RP1L1: variants seen among roughly 807,000 people sequenced by gnomAD.
RP1L1 encodes the protein retinitis pigmentosa 1-like 1 protein.
A neutral mutation model predicts 15.7 loss-of-function variants in RP1L1; 27 were observed. The observed-to-expected ratio is 1.72, with a 90% CI of 1.27 to 2.38. RP1L1 has a LOEUF of 2.38. Ranked by LOEUF, RP1L1 falls within the 30% of genes most tolerant of loss-of-function variation. RP1L1 has a pLI of 0.00. For missense variants in RP1L1, 4,798 were observed against 3,075.9 expected (o/e 1.56, Z -13.24); for synonymous variants, 1,813 against 1,276.7 (o/e 1.42, Z -8.96).
intron 1 of RP1L1, among the ~76,000 whole-genome samples, chr8:10,648,946 G>C (rs964609959): frequency 6.6e-6 from 1 of 152,222 alleles, no homozygotes; most frequent in Non-Finnish European, 1.5e-5. Context: ...ACGCTTCAGG[G>C]CCAGGGACAT....
intron 2 of RP1L1, among the ~76,000 whole-genome samples, chr8:10,617,351 G>C (rs890903114): frequency 2.9e-5 from 4 of 136,980 alleles, no homozygotes; most frequent in African/African-American, 8.3e-5. Context: ...TTAAAGCACA[G>C]AGCATGTTTT....
Position 10,607,827 on chromosome 8 carries a change from C to T in RP1L1, c.6271G>A (p.Glu2091Lys), listed in dbSNP as rs1182974647. Residue 2091 changes from glutamate to lysine, a missense_variant, in exon 4 of 4, where the codon GAA becomes AAA. Coordinates refer to ENST00000382483, the MANE Select transcript of RP1L1 (RefSeq NM_178857.6). The stretch of plus-strand genomic sequence containing the variant: ...TCTGATTCTGGCTGGGCCTCCCCTT[C>T]TGCCTCCTGGGCATCTACATCTTCT... ...ESEDVDAQEAEGEAQPESEGV... is the reference protein window; with the variant it reads ...ESEDVDAQEAKGEAQPESEGV... 9.4e-6 allele frequency: 15 copies of T among 1,593,092 alleles called. No individual in the cohort carries two copies. The East Asian group carries it at 2.3e-4, about 25-fold the overall frequency.
chr8:10,610,308 C>T lies in RP1L1; in HGVS notation c.3790G>A (p.Ala1264Thr), dbSNP rs780069784. Residue 1264 changes from alanine (A) to threonine (T), a missense_variant, in exon 4 of 4, where the codon GCC becomes ACC. Physicochemically the swap from Ala to Thr is moderately conservative, Grantham distance 58. Transcript: ENST00000382483. ...QQCCFPTFLN[A>T]RACACATNED... is the part of the protein sequence containing the mutation. ...TTGGTGGCACAAGCGCAGGCTCGGGCGTTCAAGAAGGTTGGGAAACAACAC... is the reference window on the plus strand; with the variant it reads ...TTGGTGGCACAAGCGCAGGCTCGGGTGTTCAAGAAGGTTGGGAAACAACAC... 12 of 1,614,082 alleles carry T rather than the reference C, an allele frequency of 7.4e-6. No individual in the cohort carries two copies. The highest frequency in any genetic ancestry group is 4.4e-5 in the South Asian group (4 of 91,080).
chr8:10,611,146 C>A lies in RP1L1; in HGVS notation c.2952G>T (p.Gly984=), dbSNP rs778397939. 6.2e-7 allele frequency: 1 copy of A among 1,612,946 alleles called. No homozygotes were observed. Among genetic ancestry groups the A allele is most frequent in the Non-Finnish European group, 8.5e-7 (1 of 1,180,022 alleles). Residue 984 remains glycine, a synonymous_variant, in exon 4 of 4, where the codon GGG becomes GGT. Transcript: ENST00000382483. ...ELADETTGAA[G]GGLRGPEVDP... is the part of the protein sequence containing the mutation. ...CCACCTCGGGGCCTCTCAGGCCACC[C>A]CCAGCTGCACCTGTGGTCTCGTCCG...
chr8:10,615,624 G>T (rs1231363919), intron 3 of RP1L1, among the ~76,000 whole-genome samples: 1 of 152,136 alleles, frequency 6.6e-6, no homozygotes. Context: ...AAACTCCTGG[G>T]CTCAAATCAT....
Position 10,622,204 on chromosome 8 carries a change from C to G in RP1L1, c.609+389G>C, listed in dbSNP as rs138760074. On this transcript the variant is annotated intron_variant, in intron 2 of 3. Transcript: ENST00000382483. The stretch of plus-strand genomic sequence containing the variant: ...GGCATGGTAGCACATGCCTGTAATC[C>G]CAGCTACTCAGAGGCTGAGACAGGA... Among the ~76,000 whole-genome samples the G allele has an allele frequency of 5.3e-5, 8 of 152,026 alleles. No homozygotes were observed. The East Asian group carries it at 1.4e-3, about 26-fold the overall frequency.
At chr8:10,629,469 G>A (rs1000044667) in intron 1 of RP1L1, among the ~76,000 whole-genome samples, 9 of 152,186 alleles carry the variant, frequency 5.9e-5, no homozygotes, top group Non-Finnish European at 1.3e-4. Context: ...GGTCCTGGTG[G>A]AACTGGGAAT....
At chr8:10,616,395 G>A (rs922303898) in intron 3 of RP1L1, 51 bp downstream of exon 3, 9 of 1,612,304 alleles carry the variant, frequency 5.6e-6, no homozygotes, top group African/African-American at 5.3e-5. Context: ...CAGCCCTACT[G>A]AACCACCATG....
intron 1 of RP1L1, among the ~76,000 whole-genome samples, chr8:10,639,648 A>G (rs1470780212): frequency 6.6e-6 from 1 of 152,188 alleles, no homozygotes; most frequent in Admixed American, 6.5e-5. Flanking sequence ...CACTGGGATT[A>G]CAAGTGTGAG....
chr8:10,633,610 G>C (rs1030461840), intron 1 of RP1L1, among the ~76,000 whole-genome samples: 1 of 152,094 alleles, frequency 6.6e-6, no homozygotes, highest in Non-Finnish European at 1.5e-5. Flanking sequence ...GCAGCGTCCC[G>C]CACAGGAGGC....
intron 2 of RP1L1, among the ~76,000 whole-genome samples, chr8:10,620,664 T>A (rs1798043741): frequency 6.6e-6 from 1 of 152,184 alleles, no homozygotes; most frequent in Non-Finnish European, 1.5e-5. Flanking sequence ...GACGGTCACC[T>A]TGGCCATACA....
intron 2 of RP1L1, among the ~76,000 whole-genome samples, chr8:10,619,135 G>T (rs1215755997): frequency 6.6e-6 from 1 of 152,180 alleles, no homozygotes; most frequent in Admixed American, 6.5e-5. Flanking sequence ...CTCCCAAAGT[G>T]CTGGGATTAC....
intron 1 of RP1L1, among the ~76,000 whole-genome samples, chr8:10,649,900 C>T (rs1178256282): frequency 1.3e-5 from 2 of 152,172 alleles, no homozygotes; most frequent in Non-Finnish European, 2.9e-5. Context: ...CGCCCCTGCC[C>T]CACCTCTTGC....
At chr8:10,619,715 T>C (rs2117218936) in intron 2 of RP1L1, among the ~76,000 whole-genome samples, 1 of 151,944 alleles carries the variant, frequency 6.6e-6, no homozygotes, top group South Asian at 2.1e-4. Context: ...TCACCTGAGG[T>C]CAAGAGTTCA....
chr8:10,617,388 A>G lies in RP1L1; in HGVS notation c.610-801T>C, dbSNP rs1243378998. ...TCTCATTCTCTAAAATTATAAGGGTATGCTCATTAACAAAAAAAAAAAAAA... is the reference window on the plus strand; with the variant it reads ...TCTCATTCTCTAAAATTATAAGGGTGTGCTCATTAACAAAAAAAAAAAAAA... On this transcript the variant is annotated intron_variant, in intron 2 of 3. Coordinates refer to ENST00000382483, the MANE Select transcript of RP1L1 (RefSeq NM_178857.6). Among the ~76,000 whole-genome samples the G allele has an allele frequency of 3.1e-4, 41 of 131,238 alleles. 1 individual carries two copies. Among genetic ancestry groups the G allele is most frequent in the African/African-American group, 9.9e-4 (34 of 34,316 alleles). The allele number at this position is 131,238 out of a possible 152,430, so 86.1% of individuals were successfully genotyped here. A position where few individuals can be genotyped will look rare whatever the true frequency, so the allele number is the denominator to read the frequency against.
intron 3 of RP1L1, among the ~76,000 whole-genome samples, chr8:10,615,409 G>A (rs1353803091): frequency 6.6e-6 from 1 of 152,154 alleles, no homozygotes; most frequent in Non-Finnish European, 1.5e-5. Context: ...ATAATCTGTG[G>A]TCATGGTTAG....
At position 10,616,438 on chromosome 8, in the gene RP1L1, C is replaced by G; in HGVS notation, c.751+8G>C. 7 of 1,614,202 alleles carry G rather than the reference C, an allele frequency of 4.3e-6. No homozygotes were observed. Among genetic ancestry groups the G allele is most frequent in the Non-Finnish European group, 5.9e-6 (7 of 1,180,018 alleles). Reference sequence around the variant, plus strand: ...AATCAGATGGGGGAAACCCAAAAACCAACTCACCGTTTTTGTTTCTTGAAG... The same window carrying G: ...AATCAGATGGGGGAAACCCAAAAACGAACTCACCGTTTTTGTTTCTTGAAG... On this transcript the variant is annotated splice_region_variant and intron_variant, in intron 3 of 3. Transcript: ENST00000382483.
In RP1L1 at chr8:10,611,339, C is replaced by CT; in HGVS notation, c.2758_2759insA (p.Arg920GlnfsTer55). 6.2e-7 allele frequency: 1 copy of CT among 1,612,282 alleles called. No homozygotes were observed. Among genetic ancestry groups the CT allele is most frequent in the African/African-American group, 1.3e-5 (1 of 75,058 alleles). On this transcript the variant is annotated frameshift_variant, in exon 4 of 4. Coordinates refer to ENST00000382483, the MANE Select transcript of RP1L1 (RefSeq NM_178857.6). LOFTEE classifies it low-confidence loss of function (END_TRUNC). The stretch of plus-strand genomic sequence containing the variant: ...CAAGGTCTTCTCCTCGGACAGCCCC[C>CT]GAGACCCCGCACCCTGGCTGGCACT...
At chr8:10,642,137 C>T (rs1453441978) in intron 1 of RP1L1, among the ~76,000 whole-genome samples, 4 of 151,722 alleles carry the variant, frequency 2.6e-5, no homozygotes, top group Non-Finnish European at 5.9e-5. Flanking sequence ...CCTACACCTG[C>T]GTATAAATCT....
Sources: gnomAD v4.1 joint callset for allele counts (sites outside exome capture counted in the v4.1 genomes callset) on GRCh38, gnomAD v4.1.1 for gene constraint, MANE v1.5 for transcripts, NCBI Gene and HGNC (gene_info 2026-07-23, HGNC 2026-07-21) for gene names.